The following SYNE3 variants were observed in gnomAD, a reference collection of about 807,000 sequenced individuals.
SYNE3 encodes nesprin-3.
In SYNE3, 100 loss-of-function variants were observed where a neutral mutation model predicts 111.2. The observed-to-expected ratio is 0.90, with a 90% CI of 0.77 to 1.06. The LOEUF is 1.06. SYNE3 is among the 50% of genes least tolerant of loss of function. The pLI is 0.00. For missense variants in SYNE3, 1,160 were observed against 1,240.3 expected, an observed-to-expected ratio of 0.94 and a Z score of 0.97; for synonymous variants, 547 against 533.9, an observed-to-expected ratio of 1.02 and a Z score of -0.34.
chr14:95,511,943 T>C (rs1335703773), intron 1 of SYNE3, among the ~76,000 whole-genome samples: 1 of 151,774 alleles, frequency 6.6e-6, no homozygotes. Context: ...GGACACTTCG[T>C]TTTGTTATAA....
In SYNE3 at chr14:95,499,856, C is replaced by CTTTTTTTTTTTTTTTTTTTTTTT. The variant is rs10547044; in HGVS notation, c.-15+16739_-15+16740insAAAAAAAAAAAAAAAAAAAAAAA. Among the ~76,000 whole-genome samples the CTTTTTTTTTTTTTTTTTTTTTTT allele has an allele frequency of 6.1e-4, 55 of 90,062 alleles. 8 individuals carry two copies. Among genetic ancestry groups the CTTTTTTTTTTTTTTTTTTTTTTT allele is most frequent in the African/African-American group, 1.9e-3 (41 of 21,272 alleles). 59.1% of individuals were successfully genotyped at this position (90,062 alleles called of 152,430 possible). ...AATCCCCTGTATCACTAACTCTTGT[C>CTTTTTTTTTTTTTTTTTTTTTTT]TTTTTTTTTTTTTTTTTTTTGAGAT... On this transcript the variant is annotated intron_variant, in intron 1 of 17. Coordinates refer to ENST00000682763, the MANE Select transcript of SYNE3 (RefSeq NM_152592.6).
At chr14:95,484,438 A>G (rs1437200053) in intron 1 of SYNE3, among the ~76,000 whole-genome samples, 1 of 152,180 alleles carries the variant, frequency 6.6e-6, no homozygotes, top group African/African-American at 2.4e-5. Context: ...AACCCTGGCC[A>G]CGGAGTAACA....
chr14:95,502,874 T>C (rs1890387565), intron 1 of SYNE3, among the ~76,000 whole-genome samples: 1 of 152,194 alleles, frequency 6.6e-6, no homozygotes, highest in South Asian at 2.1e-4. Flanking sequence ...TCTAGGTTTC[T>C]AAAGTAGAGC....
chr14:95,459,049 G>A (rs1055727495), intron 4 of SYNE3, among the ~76,000 whole-genome samples: 2 of 152,158 alleles, frequency 1.3e-5, no homozygotes, highest in African/African-American at 4.8e-5. Context: ...ATCATCGACT[G>A]TTTCTGTCAA....
intron 15 of SYNE3, among the ~76,000 whole-genome samples, chr14:95,434,316 A>C (rs1309294941): frequency 6.6e-6 from 1 of 152,228 alleles, no homozygotes; most frequent in African/African-American, 2.4e-5. Context: ...GCTTTTGCCC[A>C]CAGAACATTT....
At chr14:95,434,997 C>T (rs1404448510) in intron 15 of SYNE3, among the ~76,000 whole-genome samples, 1 of 152,162 alleles carries the variant, frequency 6.6e-6, no homozygotes, top group Non-Finnish European at 1.5e-5. Flanking sequence ...TTGGCAAACA[C>T]AATGTCTAGC....
Position 95,410,823 on chromosome 14 carries a change from A to G in SYNE3, c.*7003T>C, listed in dbSNP as rs1321910112. 1 of 152,184 alleles carries G rather than the reference A, an allele frequency of 6.6e-6. No individual in the cohort carries two copies. The highest frequency in any genetic ancestry group is 1.5e-5 in the Non-Finnish European group (1 of 68,032). The allele number at this position is 152,184 out of a possible 1,614,324, so 9.4% of individuals were successfully genotyped here. ...GAGCCCACGCGCACAATCCTAGGAT[A>G]CCTAATATTTCAGGGAGCACTGAAC... On this transcript the variant is annotated 3_prime_UTR_variant, in exon 18 of 18. Coordinates refer to ENST00000682763, the MANE Select transcript of SYNE3 (RefSeq NM_152592.6).
chr14:95,472,162 A>G (rs1888568781), intron 2 of SYNE3, among the ~76,000 whole-genome samples: 1 of 152,242 alleles, frequency 6.6e-6, no homozygotes, highest in Admixed American at 6.5e-5. Context: ...CTGGAGAAGG[A>G]TATTTGAGCA....
intron 2 of SYNE3, among the ~76,000 whole-genome samples, chr14:95,474,884 G>C (rs192794757): frequency 2.6e-5 from 4 of 152,200 alleles, no homozygotes; most frequent in Non-Finnish European, 5.9e-5. Flanking sequence ...ACCATTGTTG[G>C]GTGATAAATT....
Position 95,470,681 on chromosome 14 carries a change from C to T in SYNE3, c.145-2714G>A, listed in dbSNP as rs182289383. On this transcript the variant is annotated intron_variant, in intron 2 of 17. Coordinates refer to ENST00000682763, the MANE Select transcript of SYNE3 (RefSeq NM_152592.6). This position sits in a 1 kb window ranked among gnomAD's most constrained non-coding sequence, Gnocchi z 4.2. Reference sequence around the variant, plus strand: ...AACTAAAAATAAGAAAAAAAAGAGCCGGATGTGGTGGCTCACGCCTGTAAT... The same window carrying T: ...AACTAAAAATAAGAAAAAAAAGAGCTGGATGTGGTGGCTCACGCCTGTAAT... Among the ~76,000 whole-genome samples, 157 of 150,784 alleles carry T rather than the reference C, an allele frequency of 1.0e-3. No homozygotes were observed. Among genetic ancestry groups the T allele is most frequent in the African/African-American group, 3.4e-3 (140 of 40,910 alleles).
At chr14:95,471,846 A>G (rs1888548495) in intron 2 of SYNE3, among the ~76,000 whole-genome samples, 2 of 152,160 alleles carry the variant, frequency 1.3e-5, no homozygotes, top group Non-Finnish European at 2.9e-5. Flanking sequence ...GATCGGATGT[A>G]AGGAAACACC....
intron 17 of SYNE3, among the ~76,000 whole-genome samples, chr14:95,419,594 G>A (rs1395972636): frequency 6.6e-6 from 1 of 151,816 alleles, no homozygotes; most frequent in African/African-American, 2.4e-5. Flanking sequence ...GGCACCAAAA[G>A]CCACAGTCCC....
In SYNE3 at chr14:95,466,230, A is replaced by C; in HGVS notation, c.328T>G (p.Trp110Gly). The C allele has an allele frequency of 6.4e-7, 1 of 1,569,238 alleles. No individual in the cohort carries two copies. Among genetic ancestry groups the C allele is most frequent in the Non-Finnish European group, 8.7e-7 (1 of 1,149,548 alleles). The stretch of plus-strand genomic sequence containing the variant: ...TACTCGCTCCAGTGCAGCCACACCC[A>C]CTCGATGCGGCTGTGGGCACAGAGA... Reference protein sequence around the residue: ...YMTHCHSRIEWVWLHWSEYLL... With the variant: ...YMTHCHSRIEGVWLHWSEYLL... The change falls in exon 4 of 18, where the codon TGG (tryptophan) becomes GGG (glycine). Residue 110 changes from tryptophan (W) to glycine (G), a missense_variant. Coordinates refer to ENST00000682763, the MANE Select transcript of SYNE3 (RefSeq NM_152592.6).
intron 1 of SYNE3, among the ~76,000 whole-genome samples, chr14:95,484,969 C>T (rs143243370): frequency 3.9e-5 from 6 of 152,246 alleles, no homozygotes; most frequent in Non-Finnish European, 7.4e-5. Flanking sequence ...ATCCCACCCC[C>T]AATTTATAAA....
intron 1 of SYNE3, among the ~76,000 whole-genome samples, chr14:95,491,921 C>G (rs1889871181): frequency 6.6e-6 from 1 of 152,136 alleles, no homozygotes; most frequent in South Asian, 2.1e-4. Flanking sequence ...ACAGACAACC[C>G]AATTATAAAA....
At position 95,412,962 on chromosome 14, in the gene SYNE3, GA is replaced by G. The variant is rs1903472427; in HGVS notation, c.*4863del. On this transcript the variant is annotated 3_prime_UTR_variant, in exon 18 of 18. Coordinates refer to ENST00000682763, the MANE Select transcript of SYNE3 (RefSeq NM_152592.6). ...CATTGAGCACCCTTGAAGTAGGAGG[GA>G]CATAATCCCAGAATGAAGAGCCAGC... 1.3e-5 allele frequency: 2 copies of G among 152,160 alleles called. No individual in the cohort carries two copies. Among genetic ancestry groups the G allele is most frequent in the South Asian group, 4.1e-4 (2 of 4,820 alleles). 9.4% of individuals were successfully genotyped at this position (152,160 alleles called of 1,614,324 possible).
chr14:95,461,684 T>C (rs997970390), intron 4 of SYNE3, among the ~76,000 whole-genome samples: 7 of 152,236 alleles, frequency 4.6e-5, no homozygotes, highest in Admixed American at 1.3e-4. Flanking sequence ...GTAGGGGCAC[T>C]AACCTGAACC....
chr14:95,426,945 A>AG (rs1885464057), intron 17 of SYNE3, among the ~76,000 whole-genome samples: 1 of 147,512 alleles, frequency 6.8e-6, no homozygotes, highest in African/African-American at 2.5e-5. Flanking sequence ...CTCCATCTCA[A>AG]AAAAAAAAAA....
chr14:95,476,089 G>T (rs1459096835), intron 1 of SYNE3, among the ~76,000 whole-genome samples: 1 of 152,220 alleles, frequency 6.6e-6, no homozygotes, highest in African/African-American at 2.4e-5. Flanking sequence ...GGCCTCTCAG[G>T]TTCCCTGCTT....
Sources: gnomAD v4.1 joint callset for allele counts (sites outside exome capture counted in the v4.1 genomes callset) on GRCh38, gnomAD v4.1.1 for gene constraint, Gnocchi (gnomAD v3.1) non-coding constraint, MANE v1.5 for transcripts, NCBI Gene and HGNC (gene_info 2026-07-23, HGNC 2026-07-21) for gene names.